The following IL1RAPL2 variants were observed in gnomAD, a reference collection of about 807,000 sequenced individuals.
IL1RAPL2 encodes X-linked interleukin-1 receptor accessory protein-like 2.
In IL1RAPL2, 3 loss-of-function variants were observed where a neutral mutation model predicts 44.1. The observed-to-expected ratio is 0.07, with a 90% CI of 0.03 to 0.18. IL1RAPL2 has a LOEUF of 0.18. Ranked by LOEUF, IL1RAPL2 falls within the 10% of genes least tolerant of loss-of-function variation. The pLI, the probability that IL1RAPL2 is intolerant of heterozygous loss-of-function variation, is 1.00. For missense variants in IL1RAPL2, 391 were observed against 496.4 expected (o/e 0.79, Z 2.02); for synonymous variants, 181 against 178.8 (o/e 1.01, Z -0.10).
chrX:105,385,917 C>T (rs945006481), intron 5 of IL1RAPL2, among the ~76,000 whole-genome samples: 7 of 111,573 alleles, frequency 6.3e-5, no homozygotes, highest in Non-Finnish European at 1.3e-4. Flanking sequence ...GCTTTCACCA[C>T]GTAGACATTT....
At chrX:104,949,162 G>C (rs1212204999) in intron 2 of IL1RAPL2, among the ~76,000 whole-genome samples, 1 of 108,870 alleles carries the variant, frequency 9.2e-6, no homozygotes, top group Non-Finnish European at 1.9e-5. Context: ...TGTATGTGTC[G>C]AGGAATTTAT....
intron 2 of IL1RAPL2, among the ~76,000 whole-genome samples, chrX:105,110,212 C>T (rs2032787168): frequency 8.9e-6 from 1 of 112,161 alleles, no homozygotes; most frequent in South Asian, 3.7e-4. Context: ...AAGTAGTAAT[C>T]CCTATCTGCA....
At chrX:105,179,757 G>T (rs2033510655) in intron 2 of IL1RAPL2, among the ~76,000 whole-genome samples, 1 of 103,170 alleles carries the variant, frequency 9.7e-6, no homozygotes, top group African/African-American at 3.6e-5. Context: ...TAAATATAGT[G>T]AGTGGGATTG....
chrX:105,556,541 TACC>T lies in IL1RAPL2; in HGVS notation c.772+72156_772+72158del, dbSNP rs762414934. Among the ~76,000 whole-genome samples the T allele has an allele frequency of 8.1e-5, 9 of 111,642 alleles. No homozygotes were observed. The Admixed American group carries it at 8.6e-4, about 11-fold the overall frequency. On this transcript the variant is annotated intron_variant, in intron 6 of 10. Transcript: ENST00000372582. ...CCCAACACCATCATACCACTGTCAA[TACC>T]ATCATACCATGTAAGTTGAATATAA...
At chrX:105,496,355 C>A (rs2036356551) in intron 6 of IL1RAPL2, among the ~76,000 whole-genome samples, 1 of 112,358 alleles carries the variant, frequency 8.9e-6, no homozygotes, top group Non-Finnish European at 1.9e-5. Flanking sequence ...CAGAATAAAT[C>A]TCTTCAAATG....
At chrX:105,552,266 C>G (rs2036863185) in intron 6 of IL1RAPL2, among the ~76,000 whole-genome samples, 1 of 111,907 alleles carries the variant, frequency 8.9e-6, no homozygotes, top group South Asian at 3.7e-4. Flanking sequence ...TAGTTTCTCT[C>G]TAATTTAATG....
At chrX:105,360,615 G>T (rs1248282212) in intron 5 of IL1RAPL2, among the ~76,000 whole-genome samples, 1 of 110,678 alleles carries the variant, frequency 9.0e-6, no homozygotes, top group Admixed American at 9.7e-5. Flanking sequence ...TTGATAAGAT[G>T]ATATAAAAGT....
chrX:104,585,265 AATATATTAT>A (rs1216417689), intron 1 of IL1RAPL2, among the ~76,000 whole-genome samples: 1 of 24,510 alleles, frequency 4.1e-5, no homozygotes, highest in South Asian at 1.6e-3. Context: ...ATATATATAT[AATATATTAT>A]ATATATTATA....
chrX:105,139,879 C>T (rs1220557219), intron 2 of IL1RAPL2, among the ~76,000 whole-genome samples: 3 of 112,180 alleles, frequency 2.7e-5, no homozygotes, highest in Non-Finnish European at 3.8e-5. Context: ...GCTTTTTAAA[C>T]ATGATGCATA....
intron 6 of IL1RAPL2, among the ~76,000 whole-genome samples, chrX:105,508,614 G>T (rs781245599): frequency 4.6e-5 from 5 of 107,759 alleles, no homozygotes; most frequent in Non-Finnish European, 7.7e-5. Context: ...CAGTTGTGAA[G>T]CCACCCACAG....
chrX:105,390,429 G>T (rs141130370), intron 5 of IL1RAPL2, among the ~76,000 whole-genome samples: 1 of 111,630 alleles, frequency 9.0e-6, no homozygotes, highest in Non-Finnish European at 1.9e-5. Flanking sequence ...GGTGCCTGAC[G>T]TATAATTGGC....
Position 105,069,664 on chromosome X carries a change from GAA to G in IL1RAPL2, c.83-125804_83-125803del, listed in dbSNP as rs762364147. 2.7e-5 allele frequency among the ~76,000 whole-genome samples: 3 copies of G among 111,429 alleles called. No individual in the cohort carries two copies. In the East Asian group the frequency reaches 8.5e-4, roughly 32 times the overall value. On this transcript the variant is annotated intron_variant, in intron 2 of 10. Transcript: ENST00000372582. ...TAAAACAAAATAAAGTCTTGTTTTA[GAA>G]AAAAAAGTAAGGGATATTTGAGGGC...
intron 2 of IL1RAPL2, among the ~76,000 whole-genome samples, chrX:104,903,586 T>G (rs764409803): frequency 9.0e-6 from 1 of 111,332 alleles, no homozygotes; most frequent in South Asian, 3.8e-4. Context: ...TATTTATTTT[T>G]ATTTTTTTGG....
chrX:105,392,054 G>C (rs2035528888), intron 5 of IL1RAPL2, among the ~76,000 whole-genome samples: 1 of 104,767 alleles, frequency 9.5e-6, no homozygotes, highest in Non-Finnish European at 2.0e-5. Context: ...TAAATGACGA[G>C]TTAATGGGTG....
chrX:105,351,387 C>T lies in IL1RAPL2; in HGVS notation c.697+83846C>T, dbSNP rs755310925. Among the ~76,000 whole-genome samples, 16 of 111,691 alleles carry T rather than the reference C, an allele frequency of 1.4e-4. No individual in the cohort carries two copies. The South Asian group carries it at 4.9e-3, about 34-fold the overall frequency. On this transcript the variant is annotated intron_variant, in intron 5 of 10. Transcript: ENST00000372582. ...CAAAGACTCGGAACCAACCCAAATG[C>T]CCATAGTGATAGACTGGATAAAGAA...
At chrX:105,114,537 A>C (rs2032833245) in intron 2 of IL1RAPL2, among the ~76,000 whole-genome samples, 1 of 106,650 alleles carries the variant, frequency 9.4e-6, no homozygotes, top group African/African-American at 3.4e-5. Context: ...TTTAAACCGG[A>C]GACTGATTAC....
intron 2 of IL1RAPL2, among the ~76,000 whole-genome samples, chrX:105,023,818 A>G (rs1055416297): frequency 4.6e-4 from 51 of 111,620 alleles, no homozygotes; most frequent in African/African-American, 1.6e-3. Context: ...TTTTGGCAAC[A>G]TAAGTATATT....
At chrX:104,876,651 CTTTTT>C (rs777164255) in intron 2 of IL1RAPL2, among the ~76,000 whole-genome samples, 1 of 64,708 alleles carries the variant, frequency 1.5e-5, no homozygotes, top group Admixed American at 1.9e-4. Context: ...ATATAGCTTT[CTTTTT>C]TTTTTTTTTT....
intron 6 of IL1RAPL2, among the ~76,000 whole-genome samples, chrX:105,625,241 A>C (rs754063689): frequency 7.1e-4 from 80 of 112,276 alleles, no homozygotes; most frequent in African/African-American, 2.4e-3. Flanking sequence ...ACATTCATTC[A>C]TACAGGTAGC....
Sources: gnomAD v4.1 joint callset for allele counts (sites outside exome capture counted in the v4.1 genomes callset) on GRCh38, gnomAD v4.1.1 for gene constraint, MANE v1.5 for transcripts, NCBI Gene and HGNC (gene_info 2026-07-23, HGNC 2026-07-21) for gene names.